Variants in MIR2052HG observed in about 807,000 individuals in gnomAD.
The protein encoded by MIR2052HG is MIR2052 host gene.
At chr8:74,623,171 G>T (rs1808387756) in intron 2 of MIR2052HG, among the ~76,000 whole-genome samples, 1 of 152,212 alleles carries the variant, frequency 6.6e-6, no homozygotes, top group Admixed American at 6.5e-5. Flanking sequence ...GATAAGAATG[G>T]TAGGTGATTG....
intron 2 of MIR2052HG, among the ~76,000 whole-genome samples, chr8:74,632,881 A>G (rs1808534329): frequency 6.6e-6 from 1 of 152,112 alleles, no homozygotes; most frequent in Admixed American, 6.5e-5. Context: ...GTTTTATGAT[A>G]TAGCCAATGA....
intron 2 of MIR2052HG, among the ~76,000 whole-genome samples, chr8:74,632,214 C>T (rs1001516793): frequency 4.6e-5 from 7 of 152,056 alleles, no homozygotes; most frequent in African/African-American, 1.4e-4. Flanking sequence ...CTGTGGCTGT[C>T]GGAGGACGTA....
chr8:74,669,102 A>G (rs891100495), intron 2 of MIR2052HG, among the ~76,000 whole-genome samples: 1 of 152,166 alleles, frequency 6.6e-6, no homozygotes, highest in African/African-American at 2.4e-5. Context: ...TTAAATCAAC[A>G]TTTCTGCTTG....
intron 4 of MIR2052HG, among the ~76,000 whole-genome samples, chr8:74,704,463 A>C (rs1296831929): frequency 3.9e-5 from 6 of 152,080 alleles, no homozygotes; most frequent in Admixed American, 3.9e-4. Context: ...GGTAGTAGTC[A>C]TCTGGCCATA....
chr8:74,697,826 T>A (rs1300258734), intron 2 of MIR2052HG, among the ~76,000 whole-genome samples: 2 of 152,110 alleles, frequency 1.3e-5, no homozygotes, highest in African/African-American at 4.8e-5. Context: ...CAAGGAAAGC[T>A]ACAAAACACA....
intron 2 of MIR2052HG, among the ~76,000 whole-genome samples, chr8:74,670,620 A>G (rs2128737960): frequency 6.6e-6 from 1 of 152,316 alleles, no homozygotes; most frequent in Middle Eastern, 3.4e-3. Flanking sequence ...CTAGTGAAAA[A>G]GAAAAGTTAG....
At chr8:74,715,264 G>A (rs145134043) in intron 4 of MIR2052HG, among the ~76,000 whole-genome samples, 5 of 152,214 alleles carry the variant, frequency 3.3e-5, no homozygotes, top group Admixed American at 6.5e-5. Flanking sequence ...CACAAGTTAC[G>A]AGTACTTTTG....
chr8:74,629,154 G>A (rs755700259), intron 2 of MIR2052HG, among the ~76,000 whole-genome samples: 2 of 151,972 alleles, frequency 1.3e-5, no homozygotes, highest in Non-Finnish European at 2.9e-5. Flanking sequence ...TCACATAAAC[G>A]TTTTTAACAA....
intron 4 of MIR2052HG, among the ~76,000 whole-genome samples, chr8:74,748,916 G>A (rs1809914804): frequency 6.6e-6 from 1 of 152,208 alleles, no homozygotes; most frequent in Non-Finnish European, 1.5e-5. Flanking sequence ...CATGGAGAGA[G>A]AGAATCAGGC....
chr8:74,692,173 C>T (rs1459105431), intron 2 of MIR2052HG, among the ~76,000 whole-genome samples: 2 of 152,186 alleles, frequency 1.3e-5, no homozygotes, highest in African/African-American at 2.4e-5. Flanking sequence ...TCAATGCAAC[C>T]TCTGCTTTCT....
chr8:74,600,992 A>G (rs1807992702), intron 1 of MIR2052HG, among the ~76,000 whole-genome samples: 1 of 152,218 alleles, frequency 6.6e-6, no homozygotes, highest in South Asian at 2.1e-4. Context: ...CTGCTTTACA[A>G]AAAGCCAGAA....
At chr8:74,604,197 G>T in intron 1 of MIR2052HG, 2 of 891,996 alleles carry the variant, frequency 2.2e-6, no homozygotes, top group Non-Finnish European at 1.9e-6. Context: ...TAAGTAGTCG[G>T]ATGGTGAGAG....
In MIR2052HG at chr8:74,639,028, G is replaced by A. The variant is rs151237560; in HGVS notation, n.216+26088G>A. Among the ~76,000 whole-genome samples the A allele has an allele frequency of 4.6e-5, 7 of 152,174 alleles. No homozygotes were observed. In the East Asian group the frequency reaches 5.8e-4, roughly 13 times the overall value. On this transcript the variant is annotated intron_variant and non_coding_transcript_variant, in intron 2 of 6. Coordinates refer to ENST00000523442, the Ensembl canonical transcript of MIR2052HG. ...GCTACCAATAGCAAGAGGAAAATTC[G>A]GAGAGACTGAGTCCTTAGAAAACAA...
intron 4 of MIR2052HG, among the ~76,000 whole-genome samples, chr8:74,708,119 G>A (rs1371977625): frequency 3.9e-5 from 6 of 152,116 alleles, no homozygotes. Flanking sequence ...TTGCTCCAGG[G>A]AATATGTTTC....
intron 2 of MIR2052HG, among the ~76,000 whole-genome samples, chr8:74,690,527 A>T (rs1461209671): frequency 6.6e-6 from 1 of 152,084 alleles, no homozygotes; most frequent in Non-Finnish European, 1.5e-5. Flanking sequence ...GGGCGCCTGT[A>T]GTCCCAGCTA....
At chr8:74,707,975 C>G in intron 4 of MIR2052HG, among the ~76,000 whole-genome samples, 1 of 151,898 alleles carries the variant, frequency 6.6e-6, no homozygotes. Flanking sequence ...TGGAAGAAGA[C>G]AAGATGAAAG....
intron 2 of MIR2052HG, among the ~76,000 whole-genome samples, chr8:74,634,369 G>A (rs879366908): frequency 1.6e-4 from 24 of 152,084 alleles, no homozygotes; most frequent in Non-Finnish European, 2.1e-4. Context: ...CCAAATAGTC[G>A]GGCCAAAGGC....
chr8:74,685,482 G>A (rs956976220), intron 2 of MIR2052HG, among the ~76,000 whole-genome samples: 2 of 152,092 alleles, frequency 1.3e-5, no homozygotes, highest in Non-Finnish European at 2.9e-5. Context: ...TCACAACCAT[G>A]TGTGGTTGGA....
intron 2 of MIR2052HG, among the ~76,000 whole-genome samples, chr8:74,698,153 A>G (rs1019057885): frequency 2.6e-5 from 4 of 152,244 alleles, no homozygotes; most frequent in Non-Finnish European, 5.9e-5. Context: ...TGGTACTAAA[A>G]ATAGGCACAC....
Sources: allele counts gnomAD v4.1 joint callset (sites outside exome capture counted in the v4.1 genomes callset), GRCh38; gene constraint gnomAD v4.1.1; transcripts MANE v1.5; gene names NCBI Gene and HGNC (gene_info 2026-07-23, HGNC 2026-07-21).